The following ZNF292 variants were observed in gnomAD, a reference collection of about 807,000 sequenced individuals.
ZNF292 encodes 16 zinc-finger domain protein.
In ZNF292, 26 loss-of-function variants were observed where a neutral mutation model predicts 217.9. The ratio of observed to expected loss-of-function variants is 0.12; its 90% CI spans 0.09 to 0.17. ZNF292 has a LOEUF of 0.17. ZNF292 is among the 10% of genes least tolerant of loss of function. The probability of loss-of-function intolerance (pLI) is 1.00; values close to 1 mark genes in which losing one functional copy is unlikely to be tolerated. For synonymous variants in ZNF292, 1,257 were observed against 1,124.1 expected, an observed-to-expected ratio of 1.12 and a Z score of -2.37; for missense variants, 2,904 against 3,175.2, an observed-to-expected ratio of 0.91 and a Z score of 2.05.
chr6:87,220,027 G>C (rs1003038208), intron 4 of ZNF292, among the ~76,000 whole-genome samples: 2 of 152,024 alleles, frequency 1.3e-5, no homozygotes, highest in Admixed American at 1.3e-4. Flanking sequence ...GGGTCTCCCT[G>C]TGTTACCCAG....
chr6:87,212,328 A>G (rs907357198), intron 1 of ZNF292, among the ~76,000 whole-genome samples: 3 of 152,168 alleles, frequency 2.0e-5, no homozygotes, highest in Non-Finnish European at 4.4e-5. Flanking sequence ...TGTGGAGTAC[A>G]TAGCCATGAT....
intron 1 of ZNF292, among the ~76,000 whole-genome samples, chr6:87,184,206 G>A (rs1331131381): frequency 6.6e-6 from 1 of 152,242 alleles, no homozygotes; most frequent in African/African-American, 2.4e-5. Context: ...GGCACAATGT[G>A]TGAAGGGGCA....
In ZNF292 at chr6:87,258,182, C is replaced by G. The variant is rs1276664939; in HGVS notation, c.4553C>G (p.Ser1518Cys). The G allele has an allele frequency of 6.2e-7, 1 of 1,611,714 alleles. No homozygotes were observed. Among genetic ancestry groups the G allele is most frequent in the South Asian group, 1.1e-5 (1 of 90,662 alleles). The change falls in exon 8 of 8, where the codon TCT (serine) becomes TGT (cysteine). Residue 1518 changes from serine to cysteine, a missense_variant. Ser to Cys is a moderately radical substitution (Grantham distance 112, BLOSUM62 -1). Transcript: ENST00000369577. Reference protein sequence around the residue: ...MLSHVSTGCVSDASQVNATVM... With the variant: ...MLSHVSTGCVCDASQVNATVM... ...TCTCATGTTTCAACAGGTTGTGTCT[C>G]TGATGCATCACAAGTAAATGCAACG... is the stretch of plus-strand genomic sequence containing the variant.
chr6:87,256,203 T>C lies in ZNF292; in HGVS notation c.2574T>C (p.Asn858=), dbSNP rs1443618929. The part of the protein sequence containing the change: ...SGDSIQPSEV[N]QNTAENIEKE... ...ATTCCATTCAGCCTTCTGAAGTGAA[T>C]CAGAACACAGCAGAGAATATTGAGA... Residue 858 remains asparagine, a synonymous_variant, in exon 8 of 8, where the codon AAT becomes AAC. Coordinates refer to ENST00000369577, the MANE Select transcript of ZNF292 (RefSeq NM_015021.3). 8 of 1,613,524 alleles carry C rather than the reference T, an allele frequency of 5.0e-6. No homozygotes were observed. The highest frequency in any genetic ancestry group is 1.7e-4 in the Middle Eastern group (1 of 6,060).
intron 5 of ZNF292, among the ~76,000 whole-genome samples, chr6:87,239,682 G>GGGCAGAGACA (rs1469604350): frequency 3.8e-4 from 13 of 34,162 alleles, no homozygotes; most frequent in South Asian, 9.2e-4. Flanking sequence ...CGGGGCGGCT[G>GGGCAGAGACA]CCGGGCGGAG....
At chr6:87,162,151 A>C (rs952372692) in intron 1 of ZNF292, among the ~76,000 whole-genome samples, 12 of 152,338 alleles carry the variant, frequency 7.9e-5, no homozygotes, top group South Asian at 2.1e-4. Flanking sequence ...CTGGGGTATC[A>C]GGGAAGGCTT....
intron 1 of ZNF292, among the ~76,000 whole-genome samples, chr6:87,207,429 C>A (rs1772292377): frequency 6.6e-6 from 1 of 152,054 alleles, no homozygotes; most frequent in East Asian, 1.9e-4. Context: ...CTGAGAAGTA[C>A]AGTTTAAAAT....
At chr6:87,211,304 C>A (rs80103050) in intron 1 of ZNF292, among the ~76,000 whole-genome samples, 1 of 152,306 alleles carries the variant, frequency 6.6e-6, no homozygotes, top group East Asian at 1.9e-4. Flanking sequence ...CCTGGTATGA[C>A]CTGTGAGACA....
chr6:87,155,947 G>T (rs1380254267), intron 1 of ZNF292, among the ~76,000 whole-genome samples, 188 bp downstream of exon 1: 2 of 152,240 alleles, frequency 1.3e-5, no homozygotes, highest in Non-Finnish European at 2.9e-5. Flanking sequence ...GTCGTCTGCA[G>T]CTCCTGGCTG....
intron 1 of ZNF292, among the ~76,000 whole-genome samples, chr6:87,201,480 C>T (rs908473378): frequency 3.3e-5 from 5 of 152,210 alleles, no homozygotes; most frequent in Non-Finnish European, 5.9e-5. Flanking sequence ...TCTCGGCTCA[C>T]CGCAACCTCC....
Position 87,256,655 on chromosome 6 carries a change from A to C in ZNF292, c.3026A>C (p.Glu1009Ala). The change falls in exon 8 of 8, where the codon GAA (glutamate) becomes GCA (alanine). Residue 1009 changes from glutamate to alanine, a missense_variant. By Grantham distance (107) the Glu-to-Ala change is moderately radical. This residue lies in a region of ZNF292 where 687 missense variants were observed against 623.0 expected (regional missense o/e 1.10). Transcript: ENST00000369577. ...HVTQNSLVNS[E>A]TLKIGDLTPQ... is the part of the protein sequence containing the mutation. ...ACTCAGAATTCTTTAGTAAATTCAG[A>C]AACTCTCAAAATAGGTGACCTTACC... 1 of 1,613,610 alleles carries C rather than the reference A, an allele frequency of 6.2e-7. No homozygotes were observed. The highest frequency in any genetic ancestry group is 8.5e-7 in the Non-Finnish European group (1 of 1,179,828).
Position 87,255,703 on chromosome 6 carries a change from T to C in ZNF292, c.2074T>C (p.Phe692Leu). The stretch of plus-strand genomic sequence containing the variant: ...CCCTGTAACTTTTTGTAAAAAGGGC[T>C]TTAAGTACTTTAAAAATTTAATTGC... ...NCPVTFCKKG[F>L]KYFKNLIAHV... Residue 692 changes from phenylalanine to leucine, a missense_variant, in exon 8 of 8, where the codon TTT becomes CTT. This residue lies in a region of ZNF292 where 216 missense variants were observed against 308.3 expected (regional missense o/e 0.70). Coordinates refer to ENST00000369577, the MANE Select transcript of ZNF292 (RefSeq NM_015021.3). 1.2e-6 allele frequency: 2 copies of C among 1,613,390 alleles called. No homozygotes were observed. Among genetic ancestry groups the C allele is most frequent in the Non-Finnish European group, 8.5e-7 (1 of 1,179,672 alleles).
At chr6:87,168,676 G>T (rs538441121) in intron 1 of ZNF292, among the ~76,000 whole-genome samples, 3 of 152,038 alleles carry the variant, frequency 2.0e-5, no homozygotes, top group Admixed American at 6.5e-5. Flanking sequence ...CACCATGTTC[G>T]CCAGGCTGGT....
chr6:87,252,051 T>TC (rs1490741216), intron 7 of ZNF292, among the ~76,000 whole-genome samples: 1 of 152,186 alleles, frequency 6.6e-6, no homozygotes, highest in East Asian at 1.9e-4. Flanking sequence ...GGCTCAATAT[T>TC]CATATGATAT....
At chr6:87,205,089 C>G (rs1562138688) in intron 1 of ZNF292, among the ~76,000 whole-genome samples, 1 of 151,950 alleles carries the variant, frequency 6.6e-6, no homozygotes, top group Non-Finnish European at 1.5e-5. Flanking sequence ...TCCACTGGCC[C>G]CAGACATGAT....
At position 87,258,330 on chromosome 6, in the gene ZNF292, G is replaced by A; in HGVS notation, c.4701G>A (p.Leu1567=). ...CCTCCATTGAGGAATGTAGCAGCTT[G>A]CCTGTTTTTCCAACGAATGACTTAC... is the stretch of plus-strand genomic sequence containing the variant. ...KTSSIEECSS[L]PVFPTNDLLL... is the part of the protein sequence containing the mutation. Residue 1567 remains leucine (L), a synonymous_variant, in exon 8 of 8, where the codon TTG becomes TTA. Coordinates refer to ENST00000369577, the MANE Select transcript of ZNF292 (RefSeq NM_015021.3). 1 of 1,613,618 alleles carries A rather than the reference G, an allele frequency of 6.2e-7. No homozygotes were observed. The highest frequency in any genetic ancestry group is 8.5e-7 in the Non-Finnish European group (1 of 1,179,750).
intron 1 of ZNF292, among the ~76,000 whole-genome samples, chr6:87,174,982 G>A (rs1771237003): frequency 6.6e-6 from 1 of 152,198 alleles, no homozygotes; most frequent in South Asian, 2.1e-4. Flanking sequence ...ACCTAAGGAA[G>A]AAGTGGCTGT....
intron 1 of ZNF292, among the ~76,000 whole-genome samples, chr6:87,166,576 C>G (rs1480208224): frequency 6.6e-6 from 1 of 152,176 alleles, no homozygotes; most frequent in Non-Finnish European, 1.5e-5. Context: ...CCAGCATGAT[C>G]ACGTATTTTC....
In ZNF292 at chr6:87,264,124, A is replaced by C. The variant is rs1406243307; in HGVS notation, c.*2323A>C. ...AAAAGACATGAATTTATAGAATAGCATGTTGGTAAATTTTGATACGGAATG... is the reference window on the plus strand; with the variant it reads ...AAAAGACATGAATTTATAGAATAGCCTGTTGGTAAATTTTGATACGGAATG... On this transcript the variant is annotated 3_prime_UTR_variant, in exon 8 of 8. Coordinates refer to ENST00000369577, the MANE Select transcript of ZNF292 (RefSeq NM_015021.3). 1 of 152,188 alleles carries C rather than the reference A, an allele frequency of 6.6e-6. No individual in the cohort carries two copies. The highest frequency in any genetic ancestry group is 1.5e-5 in the Non-Finnish European group (1 of 68,022). 9.4% of individuals were successfully genotyped at this position (152,188 alleles called of 1,614,324 possible). A position where few individuals can be genotyped will look rare whatever the true frequency, so the allele number is the denominator to read the frequency against.
Sources: allele counts gnomAD v4.1 joint callset (sites outside exome capture counted in the v4.1 genomes callset), GRCh38; gene constraint gnomAD v4.1.1; regional missense constraint gnomAD v4.1.1; transcripts MANE v1.5; gene names NCBI Gene and HGNC (gene_info 2026-07-23, HGNC 2026-07-21).